Variants in BBX observed in about 807,000 individuals in gnomAD.
BBX encodes HMG box transcription factor BBX.
BBX carries 30 observed loss-of-function variants against 100.2 expected under a neutral mutation model. The ratio of observed to expected loss-of-function variants is 0.30; its 90% CI spans 0.22 to 0.41. BBX has a LOEUF of 0.41. Among genes scored for constraint, BBX ranks in the 10% least tolerant of loss-of-function variants. The pLI is 1.00. For synonymous variants in BBX, 376 were observed against 388.1 expected (o/e 0.97, Z 0.37); for missense variants, 1,023 against 1,129.8 (o/e 0.91, Z 1.35).
chr3:107,637,326 C>T (rs2056908002), intron 2 of BBX, among the ~76,000 whole-genome samples: 1 of 152,194 alleles, frequency 6.6e-6, no homozygotes, highest in African/African-American at 2.4e-5. Flanking sequence ...TGAGCATTGA[C>T]AGTAAAAACT....
At chr3:107,763,280 G>T (rs568349034) in intron 10 of BBX, among the ~76,000 whole-genome samples, 1 of 150,036 alleles carries the variant, frequency 6.7e-6, no homozygotes, top group Admixed American at 6.6e-5. Flanking sequence ...GCTGGAGTGC[G>T]GTGGCGCGAT....
chr3:107,596,679 A>G (rs900213377), intron 2 of BBX, among the ~76,000 whole-genome samples: 3 of 152,306 alleles, frequency 2.0e-5, no homozygotes, highest in Admixed American at 6.5e-5. Context: ...ATTGCCTGGG[A>G]AACACTAATA....
chr3:107,525,046 C>G (rs1280884598), intron 1 of BBX, among the ~76,000 whole-genome samples: 1 of 149,436 alleles, frequency 6.7e-6, no homozygotes, highest in Non-Finnish European at 1.5e-5. Flanking sequence ...GGGTTGCCCA[C>G]TGGCGGCGTG....
At chr3:107,764,366 C>T (rs1282575111) in intron 10 of BBX, among the ~76,000 whole-genome samples, 1 of 152,156 alleles carries the variant, frequency 6.6e-6, no homozygotes, top group Non-Finnish European at 1.5e-5. Context: ...CATAGACTAC[C>T]TCAGAACTAA....
intron 5 of BBX, among the ~76,000 whole-genome samples, chr3:107,718,123 G>A (rs1227815216): frequency 6.7e-6 from 1 of 149,936 alleles, no homozygotes; most frequent in African/African-American, 2.4e-5. Flanking sequence ...ATGGAAATTT[G>A]AATCTAAATT....
In BBX at chr3:107,755,624, T is replaced by C; in HGVS notation, c.852T>C (p.Gly284=). The C allele has an allele frequency of 1.2e-6, 2 of 1,613,940 alleles. No homozygotes were observed. The highest frequency in any genetic ancestry group is 1.7e-6 in the Non-Finnish European group (2 of 1,179,854). ...AEISSNTSQL[G]GAEPVKRCGK... ...TTTCTTCAAACACTTCGCAGTTGGG[T>C]GGTGCTGAGCCTGTAAAACGCTGTG... The change falls in exon 10 of 18, where the codon GGT becomes GGC. Residue 284 remains glycine, a synonymous_variant. Transcript: ENST00000325805.
chr3:107,790,412 C>G (rs935153549), intron 14 of BBX, among the ~76,000 whole-genome samples: 5 of 152,130 alleles, frequency 3.3e-5, no homozygotes, highest in African/African-American at 1.2e-4. Context: ...TTGTTCCGAC[C>G]TCTTTCAGTC....
At position 107,778,994 on chromosome 3, in the gene BBX, CAT is replaced by C. The variant is rs1286419462; in HGVS notation, c.2203+501_2203+502del. Among the ~76,000 whole-genome samples the C allele has an allele frequency of 2.6e-4, 18 of 68,344 alleles. 1 individual carries two copies. The highest frequency in any genetic ancestry group is 8.3e-4 in the African/African-American group (14 of 16,928). The allele number at this position is 68,344 out of a possible 152,430, so 44.8% of individuals were successfully genotyped here. ...AAAACTACCTGAAATCCTCCAGCAACATATATATATATATATATATATATATA... is the reference window on the plus strand; with the variant it reads ...AAAACTACCTGAAATCCTCCAGCAACATATATATATATATATATATATATA... On this transcript the variant is annotated intron_variant, in intron 13 of 17. Coordinates refer to ENST00000325805, the MANE Select transcript of BBX (RefSeq NM_001142568.3).
chr3:107,810,228 AG>A lies in BBX; in HGVS notation c.*4773del, dbSNP rs1459320274. 3 of 150,294 alleles carry A rather than the reference AG, an allele frequency of 2.0e-5. No individual in the cohort carries two copies. The highest frequency in any genetic ancestry group is 4.4e-5 in the Non-Finnish European group (3 of 67,708). The allele number at this position is 150,294 out of a possible 1,614,324, so 9.3% of individuals were successfully genotyped here. ...TTTTTTTTAAAAAAAAAAAAAAAAA[AG>A]GTTCCTCTTCTGGCCAAATTTGATC... On this transcript the variant is annotated 3_prime_UTR_variant, in exon 18 of 18. Coordinates refer to ENST00000325805, the MANE Select transcript of BBX (RefSeq NM_001142568.3).
At chr3:107,778,309 A>C in intron 12 of BBX, 62 bp from the exon 13 acceptor site, 2 of 1,570,604 alleles carry the variant, frequency 1.3e-6, no homozygotes, top group Non-Finnish European at 1.7e-6. Context: ...AATATATTTC[A>C]TGTCACTTTC....
At chr3:107,649,152 A>T (rs1214514824) in intron 3 of BBX, among the ~76,000 whole-genome samples, 1 of 152,222 alleles carries the variant, frequency 6.6e-6, no homozygotes, top group Non-Finnish European at 1.5e-5. Flanking sequence ...TTGAGACTTA[A>T]TCACCATTAC....
chr3:107,605,798 T>A (rs2054392700), intron 2 of BBX, among the ~76,000 whole-genome samples: 1 of 152,304 alleles, frequency 6.6e-6, no homozygotes, highest in Middle Eastern at 3.4e-3. Context: ...CCAGGGTACT[T>A]AGTACATAAG....
intron 5 of BBX, among the ~76,000 whole-genome samples, chr3:107,720,538 A>G (rs778163264): frequency 6.6e-6 from 1 of 152,058 alleles, no homozygotes; most frequent in African/African-American, 2.4e-5. Flanking sequence ...TAGGTTATAC[A>G]TAGAAGAGTA....
chr3:107,550,320 A>G (rs1390973474), intron 2 of BBX, among the ~76,000 whole-genome samples: 1 of 152,110 alleles, frequency 6.6e-6, no homozygotes, highest in Non-Finnish European at 1.5e-5. Context: ...AGAGGTACAG[A>G]CAATATGGTC....
At chr3:107,729,297 C>A in intron 6 of BBX, among the ~76,000 whole-genome samples, 1 of 152,058 alleles carries the variant, frequency 6.6e-6, no homozygotes, top group African/African-American at 2.4e-5. Context: ...ACTAGTAAGC[C>A]ATCCCAGGAT....
intron 13 of BBX, among the ~76,000 whole-genome samples, chr3:107,783,541 A>T (rs565256265): frequency 6.6e-6 from 1 of 152,032 alleles, no homozygotes; most frequent in African/African-American, 2.4e-5. Flanking sequence ...CTACTTCTTT[A>T]TATCATTCTT....
intron 3 of BBX, among the ~76,000 whole-genome samples, chr3:107,691,005 C>G (rs2060136383): frequency 6.8e-6 from 1 of 148,094 alleles, no homozygotes; most frequent in Non-Finnish European, 1.5e-5. Flanking sequence ...CTCCAAGGCT[C>G]AGGGGATTCT....
intron 2 of BBX, among the ~76,000 whole-genome samples, chr3:107,638,838 A>G (rs575010308): frequency 2.2e-5 from 3 of 137,724 alleles, no homozygotes; most frequent in South Asian, 2.4e-4. Flanking sequence ...CACACAGACA[A>G]ATTAGCCAGG....
At chr3:107,785,162 T>TTAA in intron 13 of BBX, among the ~76,000 whole-genome samples, 2 of 151,356 alleles carry the variant, frequency 1.3e-5, no homozygotes, top group South Asian at 4.2e-4. Context: ...AACTAGTAAT[T>TTAA]TTTAAAGTAT....
Sources: allele counts gnomAD v4.1 joint callset (sites outside exome capture counted in the v4.1 genomes callset), GRCh38; gene constraint gnomAD v4.1.1; transcripts MANE v1.5; gene names NCBI Gene and HGNC (gene_info 2026-07-23, HGNC 2026-07-21).